The following HDHD5 variants were observed in gnomAD, a reference collection of about 807,000 sequenced individuals.
HDHD5 encodes haloacid dehalogenase-like hydrolase domain-containing 5.
A neutral mutation model predicts 35.5 loss-of-function variants in HDHD5; 34 were observed. The ratio of observed to expected loss-of-function variants is 0.96; its 90% CI spans 0.73 to 1.28. The LOEUF (loss-of-function observed/expected upper bound fraction) is 1.28, where lower values mean the gene tolerates loss of function less well. Among genes scored for constraint, HDHD5 ranks in the 50% most tolerant of loss-of-function variants. The pLI is 0.00. For synonymous variants in HDHD5, 248 were observed against 240.6 expected, an observed-to-expected ratio of 1.03 and a Z score of -0.29; for missense variants, 589 against 560.2, an observed-to-expected ratio of 1.05 and a Z score of -0.52.
Position 17,159,214 on chromosome 22 carries a change from G to A in HDHD5, c.38C>T (p.Ala13Val), listed in dbSNP as rs1246327993. ...AWGCVAALGA[A>V]RGLCWRAARA... ...CGCCGCCCGCCAGCAAAGCCCACGC[G>A]CCGCGCCGAGCGCAGCCACACAGCC... Residue 13 changes from alanine (A) to valine (V), a missense_variant, in exon 1 of 8, where the codon GCG becomes GTG. Coordinates refer to ENST00000336737, the MANE Select transcript of HDHD5 (RefSeq NM_033070.3). 1.7e-6 allele frequency: 2 copies of A among 1,184,510 alleles called. No individual in the cohort carries two copies. Among genetic ancestry groups the A allele is most frequent in the African/African-American group, 1.6e-5 (1 of 61,146 alleles). 73.4% of individuals were successfully genotyped at this position (1,184,510 alleles called of 1,614,324 possible).
At chr22:17,150,684 A>G (rs1449325619) in intron 1 of HDHD5, among the ~76,000 whole-genome samples, 1 of 151,898 alleles carries the variant, frequency 6.6e-6, no homozygotes, top group East Asian at 1.9e-4. Context: ...ATGCCCACCT[A>G]ATATTTGTAT....
chr22:17,154,616 CTTT>C (rs56885882), intron 1 of HDHD5, among the ~76,000 whole-genome samples: 64 of 126,168 alleles, frequency 5.1e-4, no homozygotes, highest in Admixed American at 5.6e-4. Context: ...TCCTTATTTT[CTTT>C]TTTTTTTTTT....
upstream of HDHD5, chr22:17,159,801 G>T (rs1217849032): frequency 3.5e-6 from 1 of 282,766 alleles, no homozygotes; most frequent in Non-Finnish European, 6.9e-6. Flanking sequence ...GCCCCCGCGC[G>T]CACTGCGGAG....
chr22:17,145,032 T>C lies in HDHD5; in HGVS notation c.529A>G (p.Lys177Glu). The C allele has an allele frequency of 6.2e-7, 1 of 1,613,844 alleles. No individual in the cohort carries two copies. The highest frequency in any genetic ancestry group is 1.1e-5 in the South Asian group (1 of 91,060). The change falls in exon 4 of 8, where the codon AAG becomes GAG. Residue 177 changes from lysine to glutamate, a missense_variant. Physicochemically the swap from Lys to Glu is moderately conservative, Grantham distance 56 (BLOSUM62 1). Coordinates refer to ENST00000336737, the MANE Select transcript of HDHD5 (RefSeq NM_033070.3). ...CCCATGCTCCTTATTACCGTGGTCT[T>C]TAGCCGCCGCTCCAGGTCCACCATG... ...LDMVDLERRL[K>E]TTPLPRNDFP...
intron 3 of HDHD5, among the ~76,000 whole-genome samples, chr22:17,145,817 G>A (rs879284915): frequency 6.6e-6 from 1 of 152,136 alleles, no homozygotes; most frequent in Non-Finnish European, 1.5e-5. Context: ...GTGGGCTGGG[G>A]AGTCCAGAGG....
chr22:17,145,894 G>A (rs552999446), intron 3 of HDHD5, among the ~76,000 whole-genome samples: 79 of 152,148 alleles, frequency 5.2e-4, no homozygotes, highest in East Asian at 1.2e-3. Context: ...AGGAAGAGGC[G>A]GCCTTGGGGA....
intron 3 of HDHD5, among the ~76,000 whole-genome samples, chr22:17,146,573 C>A (rs1346251360): frequency 1.5e-4 from 12 of 78,226 alleles, no homozygotes; most frequent in African/African-American, 4.3e-4. Flanking sequence ...GCTTACCGGC[C>A]TTCGATCACA....
rs1265329175 is a variant in HDHD5, at chr22:17,149,689, G to A, written c.183C>T (p.His61=). The A allele has an allele frequency of 3.1e-6, 5 of 1,613,950 alleles. No individual in the cohort carries two copies. Among genetic ancestry groups the A allele is most frequent in the African/African-American group, 1.3e-5 (1 of 74,926 alleles). ...LDIDGVLVRG[H]RVIPAALKAF... The stretch of plus-strand genomic sequence containing the variant: ...CTTTCAGAGCAGCAGGGATCACTCT[G>A]TGGCCCCGCACAAGCACTCCATCGA... The change falls in exon 2 of 8, where the codon CAC becomes CAT. Residue 61 remains histidine, a synonymous_variant. Transcript: ENST00000336737.
chr22:17,141,038 C>A, intron 6 of HDHD5, 21 bp downstream of exon 6: 1 of 1,560,468 alleles, frequency 6.4e-7, no homozygotes, highest in Non-Finnish European at 8.6e-7. Flanking sequence ...CAGGCCAAGG[C>A]TGGGAGCTTT....
At chr22:17,155,380 G>A (rs1331019348) in intron 1 of HDHD5, among the ~76,000 whole-genome samples, 1 of 151,836 alleles carries the variant, frequency 6.6e-6, no homozygotes, top group Non-Finnish European at 1.5e-5. Context: ...CAAGTAGCTG[G>A]GACTACAGAC....
chr22:17,159,423 C>T, upstream of HDHD5: 1 of 702,730 alleles, frequency 1.4e-6, no homozygotes, highest in Non-Finnish European at 2.3e-6. Context: ...CAAAGGGGCT[C>T]CGTTGCAAGG....
At chr22:17,145,873 C>T (rs2123859158) in intron 3 of HDHD5, among the ~76,000 whole-genome samples, 1 of 152,110 alleles carries the variant, frequency 6.6e-6, no homozygotes, top group South Asian at 2.1e-4. Context: ...AAGGATGAAC[C>T]CAAATCATCA....
chr22:17,157,115 A>ACACACACACAC (rs1244963563), intron 1 of HDHD5, among the ~76,000 whole-genome samples: 1 of 80,962 alleles, frequency 1.2e-5, no homozygotes, highest in Non-Finnish European at 2.7e-5. Context: ...CACACACACA[A>ACACACACACAC]AAGAAAAAAG....
At position 17,148,393 on chromosome 22, in the gene HDHD5, G is replaced by A. The variant is rs2061688712; in HGVS notation, c.443+55C>T. 7.0e-6 allele frequency: 10 copies of A among 1,426,962 alleles called. No homozygotes were observed. In the South Asian group the frequency reaches 1.2e-4, roughly 16 times the overall value. The allele number at this position is 1,426,962 out of a possible 1,614,324, so 88.4% of individuals were successfully genotyped here. ...TACAGTCCCCACTCAGCTAAGGGAG[G>A]AAACACCTCAGCCCTGCCCCTTCCC... On this transcript the variant is annotated intron_variant, in intron 3 of 7. Transcript: ENST00000336737.
At chr22:17,148,411 C>G (rs781276300) in intron 3 of HDHD5, 37 bp downstream of exon 3, 2 of 1,536,324 alleles carry the variant, frequency 1.3e-6, no homozygotes, top group South Asian at 2.2e-5. Context: ...TCAGCCCTGC[C>G]CCTTCCCTTC....
chr22:17,146,024 A>T (rs774818540), intron 3 of HDHD5, among the ~76,000 whole-genome samples: 56 of 152,002 alleles, frequency 3.7e-4, no homozygotes, highest in Non-Finnish European at 5.6e-4. Flanking sequence ...TTTCCCCAAA[A>T]TCCTGATTCT....
At position 17,138,365 on chromosome 22, in the gene HDHD5, G is replaced by A; in HGVS notation, c.936-8C>T. 1.2e-6 allele frequency: 2 copies of A among 1,600,528 alleles called. No individual in the cohort carries two copies. Among genetic ancestry groups the A allele is most frequent in the South Asian group, 2.2e-5 (2 of 89,788 alleles). On this transcript the variant is annotated splice_polypyrimidine_tract_variant and splice_region_variant and intron_variant, in intron 7 of 7. Coordinates refer to ENST00000336737, the MANE Select transcript of HDHD5 (RefSeq NM_033070.3). ...TCAGACATAGGGTTATCACTGGCAGGGGCAGCCACACCGGAAAAGGAAAAA... is the reference window on the plus strand; with the variant it reads ...TCAGACATAGGGTTATCACTGGCAGAGGCAGCCACACCGGAAAAGGAAAAA...
At position 17,149,637 on chromosome 22, in the gene HDHD5, C is replaced by G; in HGVS notation, c.235G>C (p.Gly79Arg). The G allele has an allele frequency of 1.2e-6, 2 of 1,613,704 alleles. No homozygotes were observed. The highest frequency in any genetic ancestry group is 1.7e-6 in the Non-Finnish European group (2 of 1,180,032). The change falls in exon 2 of 8, where the codon GGG (glycine) becomes CGG (arginine). Residue 79 changes from glycine to arginine, a missense_variant. Physicochemically the swap from Gly to Arg is moderately radical, Grantham distance 125. Transcript: ENST00000336737. ...AAAACCACGGGCACCCGCAGCTGCC[C>G]CTGGGAGTTCACCAGCCTTCGGAAG... ...KAFRRLVNSQ[G>R]QLRVPVVFVT...
chr22:17,151,994 T>G (rs900236076), intron 1 of HDHD5, among the ~76,000 whole-genome samples: 2 of 152,164 alleles, frequency 1.3e-5, no homozygotes, highest in African/African-American at 4.8e-5. Flanking sequence ...ACAAAACTCT[T>G]TGCACCCCCC....
Sources: allele counts gnomAD v4.1 joint callset (sites outside exome capture counted in the v4.1 genomes callset), GRCh38; gene constraint gnomAD v4.1.1; transcripts MANE v1.5; gene names NCBI Gene and HGNC (gene_info 2026-07-23, HGNC 2026-07-21).